SLIT3: variants seen among roughly 807,000 people sequenced by gnomAD.
SLIT3 encodes the protein slit homolog 3 protein.
In SLIT3, 68 loss-of-function variants were observed where a neutral mutation model predicts 184.0. The observed-to-expected ratio is 0.37, with a 90% CI of 0.30 to 0.45. The LOEUF (loss-of-function observed/expected upper bound fraction) is 0.45, where lower values mean the gene tolerates loss of function less well. Ranked by LOEUF, SLIT3 falls within the 20% of genes least tolerant of loss-of-function variation. The pLI is 1.00. For missense variants in SLIT3, 1,707 were observed against 2,026.0 expected, an observed-to-expected ratio of 0.84 and a Z score of 3.02; for synonymous variants, 831 against 828.6, an observed-to-expected ratio of 1.00 and a Z score of -0.05.
chr5:168,790,760 T>C (rs1756336369), intron 10 of SLIT3: 1 of 152,248 alleles, frequency 6.6e-6, no homozygotes, highest in South Asian at 2.1e-4. Flanking sequence ...AGCAGATTCT[T>C]AAGCAATTGA....
Position 169,187,611 on chromosome 5 carries a change from G to A in SLIT3, c.413+5868C>T, listed in dbSNP as rs1454731785. ...GCTCTGCCATCCAAGCTAGAGTGCC[G>A]TGGCACAATCTCGGCTAACTGCCAC... On this transcript the variant is annotated intron_variant, in intron 4 of 35. Coordinates refer to ENST00000519560, the MANE Select transcript of SLIT3 (RefSeq NM_003062.4). Among the ~76,000 whole-genome samples, 16 of 145,518 alleles carry A rather than the reference G, an allele frequency of 1.1e-4. 1 individual carries two copies. The highest frequency in any genetic ancestry group is 3.8e-4 in the African/African-American group (15 of 39,296).
chr5:168,805,850 T>A (rs746726140), intron 9 of SLIT3, among the ~76,000 whole-genome samples: 5 of 152,240 alleles, frequency 3.3e-5, no homozygotes, highest in African/African-American at 7.2e-5. Flanking sequence ...CCTGCCCATG[T>A]GCTGAGGACT....
intron 4 of SLIT3, among the ~76,000 whole-genome samples, chr5:168,907,967 TATATATATATATAGAGAGAG>T (rs1761126434): frequency 3.7e-5 from 3 of 80,226 alleles, no homozygotes; most frequent in East Asian, 6.7e-4. Flanking sequence ...TATATATATA[TATATATATATATAGAGAGAG>T]AGAGAGAGAG....
Position 168,710,809 on chromosome 5 carries a change from G to T in SLIT3, c.2719+86C>A. 2.5e-6 allele frequency: 3 copies of T among 1,219,722 alleles called. No homozygotes were observed. The South Asian group carries it at 6.7e-5, about 27-fold the overall frequency. 75.6% of individuals were successfully genotyped at this position (1,219,722 alleles called of 1,614,324 possible). A position where few individuals can be genotyped will look rare whatever the true frequency, so the allele number is the denominator to read the frequency against. ...GGTGAAGGTTTCTGAAGCCACATCTGTTGAGATACCCTGCTCTGACAGGTT... is the reference window on the plus strand; with the variant it reads ...GGTGAAGGTTTCTGAAGCCACATCTTTTGAGATACCCTGCTCTGACAGGTT... On this transcript the variant is annotated intron_variant, in intron 25 of 35. Transcript: ENST00000519560.
intron 4 of SLIT3, among the ~76,000 whole-genome samples, chr5:168,994,623 CTTTTTTTTTTTTTTTTTTTTTTTTTTTT>C (rs66498923): frequency 8.5e-5 from 4 of 47,074 alleles, no homozygotes; most frequent in Admixed American, 3.0e-4. Context: ...TGGCATTCTA[CTTTTTTTTTTTTTTTTTTTTTTTTTTTT>C]TTTTTTTTTT....
chr5:168,817,501 G>GA (rs35712765), intron 7 of SLIT3, 38 bp from the exon 8 acceptor site: 695,957 of 1,607,014 alleles, frequency 0.43, 153,340 homozygotes, highest in East Asian at 0.59. Flanking sequence ...CATGGTCACA[G>GA]GTGAAGTGTG....
intron 4 of SLIT3, among the ~76,000 whole-genome samples, chr5:169,192,427 G>C (rs887597172): frequency 2.1e-4 from 28 of 134,444 alleles, no homozygotes; most frequent in East Asian, 1.0e-3. Flanking sequence ...TAGTCTCTGT[G>C]TGTGTGTGTG....
intron 4 of SLIT3, among the ~76,000 whole-genome samples, chr5:168,960,507 T>A (rs1179997625): frequency 6.6e-6 from 1 of 152,248 alleles, no homozygotes; most frequent in African/African-American, 2.4e-5. Context: ...GTAAATTGTT[T>A]AAGATCACAC....
At chr5:169,079,654 AGAG>A (rs1354501600) in intron 4 of SLIT3, among the ~76,000 whole-genome samples, 1 of 46,596 alleles carries the variant, frequency 2.1e-5, no homozygotes, top group Non-Finnish European at 3.9e-5. Flanking sequence ...GGAGGAGGGA[AGAG>A]GAGGAGGAGG....
At chr5:168,689,196 T>TG in intron 29 of SLIT3, among the ~76,000 whole-genome samples, 1 of 152,222 alleles carries the variant, frequency 6.6e-6, no homozygotes. Context: ...GCCCATGTGA[T>TG]GCTGATGCTG....
At chr5:168,923,402 AT>A (rs1282698535) in intron 4 of SLIT3, among the ~76,000 whole-genome samples, 1 of 152,010 alleles carries the variant, frequency 6.6e-6, no homozygotes, top group Non-Finnish European at 1.5e-5. Flanking sequence ...CCAAGCTACC[AT>A]CCCTTCAACT....
In SLIT3 at chr5:168,772,948, C is replaced by T. The variant is rs201298262; in HGVS notation, c.1296-4G>A. Reference sequence around the variant, plus strand: ...AAATGGGTTTTGGGCTAAGTGGCTGCGAGAGGGATGGGGCCGTTAATCAGG... The same window carrying T: ...AAATGGGTTTTGGGCTAAGTGGCTGTGAGAGGGATGGGGCCGTTAATCAGG... On this transcript the variant is annotated splice_polypyrimidine_tract_variant and splice_region_variant and intron_variant, in intron 13 of 35. Transcript: ENST00000519560. 28 of 1,592,910 alleles carry T rather than the reference C, an allele frequency of 1.8e-5. No homozygotes were observed. In the East Asian group the frequency reaches 3.6e-4, roughly 20 times the overall value.
At chr5:168,809,226 G>C (rs572795697) in intron 8 of SLIT3, among the ~76,000 whole-genome samples, 2 of 152,242 alleles carry the variant, frequency 1.3e-5, no homozygotes, top group African/African-American at 4.8e-5. Flanking sequence ...GAGTCCCTCT[G>C]GGAAGTGGCT....
chr5:169,031,988 C>T (rs1757040766), intron 4 of SLIT3, among the ~76,000 whole-genome samples: 1 of 152,220 alleles, frequency 6.6e-6, no homozygotes, highest in South Asian at 2.1e-4. Flanking sequence ...AAATAAAAAG[C>T]ACTACTTTGG....
intron 6 of SLIT3, among the ~76,000 whole-genome samples, chr5:168,832,361 A>G (rs1392352424): frequency 1.3e-5 from 2 of 152,256 alleles, no homozygotes; most frequent in Non-Finnish European, 2.9e-5. Context: ...GGACATTTTG[A>G]AAATATCCAT....
intron 4 of SLIT3, chr5:169,023,612 T>A (rs992158463): frequency 6.6e-6 from 1 of 151,972 alleles, no homozygotes; most frequent in Non-Finnish European, 1.5e-5. Context: ...GTTCTTTTTT[T>A]TTTCCCACCA....
At chr5:168,772,593 TG>T in intron 14 of SLIT3, 187 bp downstream of exon 14, 1 of 604,216 alleles carries the variant, frequency 1.7e-6, no homozygotes, top group Admixed American at 2.9e-5. Flanking sequence ...TGTGTGTGTG[TG>T]TTTTATTTTA....
chr5:168,829,136 T>A (rs980661014), intron 6 of SLIT3, among the ~76,000 whole-genome samples: 1 of 152,206 alleles, frequency 6.6e-6, no homozygotes, highest in Non-Finnish European at 1.5e-5. Context: ...CACGTCCAGC[T>A]GCAGCCACCC....
chr5:168,997,109 TG>T (rs1755539510), intron 4 of SLIT3, among the ~76,000 whole-genome samples: 1 of 152,154 alleles, frequency 6.6e-6, no homozygotes, highest in African/African-American at 2.4e-5. Context: ...GTTTTATGCC[TG>T]GTGCACTAGG....
Sources: allele counts gnomAD v4.1 joint callset (sites outside exome capture counted in the v4.1 genomes callset), GRCh38; gene constraint gnomAD v4.1.1; transcripts MANE v1.5; gene names NCBI Gene and HGNC (gene_info 2026-07-23, HGNC 2026-07-21).